Variants in NLGN1 observed in about 807,000 individuals in gnomAD.
The protein encoded by NLGN1 is neuroligin 1.
A neutral mutation model predicts 65.5 loss-of-function variants in NLGN1; 12 were observed. That is an observed-to-expected ratio of 0.18 (90% CI 0.12 to 0.30). NLGN1 has a LOEUF of 0.30. Among genes scored for constraint, NLGN1 ranks in the 10% least tolerant of loss-of-function variants. The probability of loss-of-function intolerance (pLI) is 1.00; values close to 1 mark genes in which losing one functional copy is unlikely to be tolerated. For synonymous variants in NLGN1, 350 were observed against 359.5 expected (o/e 0.97, Z 0.30); for missense variants, 750 against 1,007.1 (o/e 0.74, Z 3.46).
chr3:174,144,267 A>G (rs936200861), intron 4 of NLGN1, among the ~76,000 whole-genome samples: 1 of 152,192 alleles, frequency 6.6e-6, no homozygotes, highest in African/African-American at 2.4e-5. Context: ...ATGGCTGCAT[A>G]GTATTCCATG....
intron 3 of NLGN1, among the ~76,000 whole-genome samples, chr3:173,776,497 G>T (rs1780317922): frequency 1.3e-5 from 2 of 152,008 alleles, no homozygotes; most frequent in Admixed American, 1.3e-4. Context: ...TTGATGTTAA[G>T]TGTCAACTTG....
intron 1 of NLGN1, among the ~76,000 whole-genome samples, chr3:173,419,879 A>C (rs1167872702): frequency 1.3e-5 from 2 of 152,076 alleles, no homozygotes; most frequent in African/African-American, 2.4e-5. Context: ...AGGCTGAGGC[A>C]GGAGAATTGC....
At chr3:173,942,719 A>C (rs1442861273) in intron 4 of NLGN1, among the ~76,000 whole-genome samples, 2 of 152,184 alleles carry the variant, frequency 1.3e-5, no homozygotes, top group African/African-American at 4.8e-5. Flanking sequence ...CTTTTTTCAT[A>C]GTTAATGACA....
chr3:173,841,509 A>G (rs570946499), intron 4 of NLGN1, among the ~76,000 whole-genome samples: 44 of 152,286 alleles, frequency 2.9e-4, no homozygotes, highest in African/African-American at 9.1e-4. Context: ...GTGAGGTGAT[A>G]ATATTCCCTC....
At chr3:174,255,458 C>T (rs933352884) in intron 4 of NLGN1, among the ~76,000 whole-genome samples, 7 of 88,542 alleles carry the variant, frequency 7.9e-5, no homozygotes, top group Middle Eastern at 8.3e-3. Context: ...AAAAAAAAAG[C>T]GCAAGTCAAA....
At chr3:173,687,281 T>G (rs2149807827) in intron 3 of NLGN1, among the ~76,000 whole-genome samples, 1 of 152,360 alleles carries the variant, frequency 6.6e-6, no homozygotes, top group South Asian at 2.1e-4. Flanking sequence ...AAAATGAAGC[T>G]AATGGATAAT....
At chr3:173,719,184 A>C (rs972037521) in intron 3 of NLGN1, among the ~76,000 whole-genome samples, 1 of 152,218 alleles carries the variant, frequency 6.6e-6, no homozygotes, top group African/African-American at 2.4e-5. Flanking sequence ...TGGATGGATC[A>C]ATCAGTTAGT....
intron 2 of NLGN1, among the ~76,000 whole-genome samples, chr3:173,574,062 C>CCAAA (rs1745100188): frequency 1.9e-5 from 1 of 51,918 alleles, no homozygotes; most frequent in Admixed American, 2.4e-4. Flanking sequence ...GACTCCACCT[C>CCAAA]AAAAAAAAAA....
exon 7 of NLGN1, chr3:174,282,212 A>AATT (rs1257891357): frequency 6.6e-6 from 1 of 152,240 alleles, no homozygotes; most frequent in East Asian, 1.9e-4. Context: ...CCATCTAGAT[A>AATT]ATTTATAGAA....
intron 2 of NLGN1, among the ~76,000 whole-genome samples, chr3:173,547,289 C>T (rs1740028140): frequency 6.6e-6 from 1 of 152,164 alleles, no homozygotes; most frequent in Non-Finnish European, 1.5e-5. Context: ...TTCATTCACT[C>T]AACAGGATTA....
intron 4 of NLGN1, among the ~76,000 whole-genome samples, chr3:173,975,324 C>T (rs185503955): frequency 6.6e-6 from 1 of 152,038 alleles, no homozygotes; most frequent in Non-Finnish European, 1.5e-5. Context: ...CCCTTCACTC[C>T]TATCTGCCAC....
chr3:173,510,265 A>G (rs1732717984), intron 2 of NLGN1, among the ~76,000 whole-genome samples: 2 of 152,178 alleles, frequency 1.3e-5, no homozygotes, highest in Non-Finnish European at 2.9e-5. Context: ...GTGATGATTG[A>G]TATCACTCAC....
intron 3 of NLGN1, among the ~76,000 whole-genome samples, chr3:173,739,882 G>T (rs889672148): frequency 6.6e-6 from 1 of 152,074 alleles, no homozygotes; most frequent in Non-Finnish European, 1.5e-5. Flanking sequence ...TTTCTGGGTG[G>T]AATTCTTTCA....
Position 173,685,138 on chromosome 3 carries a change from G to A in NLGN1, c.493+80047G>A, listed in dbSNP as rs574476484. Among the ~76,000 whole-genome samples, 4 of 152,206 alleles carry A rather than the reference G, an allele frequency of 2.6e-5. No homozygotes were observed. In the South Asian group the frequency reaches 8.3e-4, roughly 32 times the overall value. ...ACTCATTTAATAATGCATGGTTTGT[G>A]TTACGTTAACAATAATTACAGGATG... On this transcript the variant is annotated intron_variant, in intron 3 of 6. Coordinates refer to ENST00000457714, the Ensembl canonical transcript of NLGN1.
chr3:173,433,344 C>T (rs182688435), intron 1 of NLGN1, among the ~76,000 whole-genome samples: 2 of 152,280 alleles, frequency 1.3e-5, no homozygotes, highest in East Asian at 3.9e-4. Flanking sequence ...TCCCCTGTCT[C>T]TCCACAGTGT....
At chr3:173,539,524 T>TATATATACATATGTATATATAAA (rs1491552308) in intron 2 of NLGN1, among the ~76,000 whole-genome samples, 45 of 143,526 alleles carry the variant, frequency 3.1e-4, no homozygotes, top group Admixed American at 2.1e-4. Context: ...CATGTATATG[T>TATATATACATATGTATATATAAA]ATATATACAT....
chr3:173,565,894 C>A (rs1438508061), intron 2 of NLGN1, among the ~76,000 whole-genome samples: 1 of 152,148 alleles, frequency 6.6e-6, no homozygotes, highest in Non-Finnish European at 1.5e-5. Flanking sequence ...TGAAAGTAAA[C>A]AATACCAATT....
chr3:173,780,996 T>A (rs969248247), intron 3 of NLGN1, among the ~76,000 whole-genome samples: 8 of 151,440 alleles, frequency 5.3e-5, no homozygotes, highest in Non-Finnish European at 8.8e-5. Flanking sequence ...CAAAAAAAAT[T>A]AGCCAGGCGT....
At chr3:174,283,050 C>G (rs1242868653) in exon 7 of NLGN1, 2 of 151,412 alleles carry the variant, frequency 1.3e-5, no homozygotes, top group Admixed American at 6.6e-5. Context: ...GACTATTAGT[C>G]CAATGCTAAG....
Sources: gnomAD v4.1 joint callset for allele counts (sites outside exome capture counted in the v4.1 genomes callset) on GRCh38, gnomAD v4.1.1 for gene constraint, MANE v1.5 for transcripts, NCBI Gene and HGNC (gene_info 2026-07-23, HGNC 2026-07-21) for gene names.